SGCE: variants seen among roughly 807,000 people sequenced by gnomAD.
SGCE encodes sarcoglycan epsilon, also known as epsilon-sarcoglycan.
A neutral mutation model predicts 57.8 loss-of-function variants in SGCE; 26 were observed. The observed-to-expected ratio is 0.45, with a 90% CI of 0.33 to 0.62. The LOEUF (loss-of-function observed/expected upper bound fraction) is 0.62. SGCE is among the 20% of genes least tolerant of loss of function. The pLI is 0.02. For synonymous variants in SGCE, 183 were observed against 189.5 expected (o/e 0.97, Z 0.28); for missense variants, 468 against 548.6 (o/e 0.85, Z 1.47).
intron 1 of SGCE, among the ~76,000 whole-genome samples, chr7:94,639,729 C>A (rs1035796379): frequency 1.3e-5 from 2 of 152,130 alleles, no homozygotes; most frequent in Admixed American, 1.3e-4. Context: ...TATACACACA[C>A]ACATATATAA....
intron 5 of SGCE, among the ~76,000 whole-genome samples, chr7:94,606,104 C>T (rs1413572630): frequency 1.3e-5 from 2 of 152,184 alleles, no homozygotes; most frequent in Non-Finnish European, 2.9e-5. Context: ...GCTGGGATTA[C>T]AGGCGTGAGC....
intron 8 of SGCE, 80 bp from the exon 9 acceptor site, chr7:94,599,043 A>C: frequency 9.7e-7 from 1 of 1,027,106 alleles, no homozygotes; most frequent in South Asian, 1.5e-5. Flanking sequence ...AAAACTTATG[A>C]AGTATTTTTA....
chr7:94,613,289 C>G (rs920181997), intron 5 of SGCE, among the ~76,000 whole-genome samples: 2 of 152,138 alleles, frequency 1.3e-5, no homozygotes, highest in African/African-American at 4.8e-5. Flanking sequence ...ATAATAATAA[C>G]TATGCTACAC....
At chr7:94,655,926 C>CGGGGGA in intron 1 of SGCE, 64 bp downstream of exon 1, 2 of 1,076,414 alleles carry the variant, frequency 1.9e-6, no homozygotes, top group Non-Finnish European at 1.4e-6. Flanking sequence ...GGAACCCGAG[C>CGGGGGA]GGGGGAGGGG....
At chr7:94,600,942 T>G in intron 6 of SGCE, 85 bp from the exon 7 acceptor site, 1 of 1,119,412 alleles carries the variant, frequency 8.9e-7, no homozygotes, top group South Asian at 1.3e-5. Context: ...TAAAGCATTC[T>G]TTGACAAATT....
intron 5 of SGCE, among the ~76,000 whole-genome samples, chr7:94,605,800 G>T (rs1212225559): frequency 6.6e-6 from 1 of 152,018 alleles, no homozygotes; most frequent in East Asian, 1.9e-4. Flanking sequence ...ACAGAAAACA[G>T]TAACAAATAT....
intron 9 of SGCE, among the ~76,000 whole-genome samples, chr7:94,590,290 C>G (rs986783612): frequency 6.6e-6 from 1 of 152,080 alleles, no homozygotes; most frequent in Non-Finnish European, 1.5e-5. Flanking sequence ...AAAAAAATCT[C>G]AAGAACCACC....
intron 5 of SGCE, among the ~76,000 whole-genome samples, chr7:94,610,738 A>G (rs1800889809): frequency 6.6e-6 from 1 of 152,212 alleles, no homozygotes; most frequent in Non-Finnish European, 1.5e-5. Flanking sequence ...AGGAGAAAAT[A>G]ACTGCAAATC....
intron 9 of SGCE, among the ~76,000 whole-genome samples, chr7:94,590,222 T>C (rs1440406515): frequency 1.3e-5 from 2 of 152,148 alleles, no homozygotes. Flanking sequence ...ATTACTCTTA[T>C]AGTTTAAAAA....
intron 9 of SGCE, 53 bp from the exon 10 acceptor site, chr7:94,588,785 CAGAG>C (rs1162178136): frequency 1.2e-5 from 19 of 1,610,230 alleles, no homozygotes; most frequent in Admixed American, 3.3e-5. Flanking sequence ...CACTTGTAAA[CAGAG>C]AGCAGACATA....
rs950650094 is a variant in SGCE, at chr7:94,598,918, C to T, written c.1110G>A (p.Glu370=). Residue 370 remains glutamate (E), a synonymous_variant, in exon 9 of 11, where the codon GAG becomes GAA. Transcript: ENST00000648936. ...CTCTATTCTTGGACATGTCTCGAAG[C>T]TCCTTGGTAGATTTCTGAATAGCAC... is the stretch of plus-strand genomic sequence containing the variant. ...HHSAIQKSTK[E]LRDMSKNREI... 3.1e-6 allele frequency: 5 copies of T among 1,613,910 alleles called. No individual in the cohort carries two copies. In the Middle Eastern group the frequency reaches 5.0e-4, roughly 160 times the overall value.
intron 1 of SGCE, among the ~76,000 whole-genome samples, chr7:94,645,874 G>A (rs997757274): frequency 1.1e-4 from 16 of 151,840 alleles, no homozygotes; most frequent in South Asian, 2.1e-4. Context: ...AAATACAATC[G>A]TTTTTAAAAA....
chr7:94,633,002 A>G (rs921906930), intron 1 of SGCE, among the ~76,000 whole-genome samples: 4 of 152,060 alleles, frequency 2.6e-5, no homozygotes, highest in African/African-American at 9.7e-5. Context: ...GCAAGTCTTG[A>G]AAATCAAATT....
In SGCE at chr7:94,585,457, T is replaced by C. The variant is rs1432575310; in HGVS notation, c.*42A>G. 6 of 1,575,016 alleles carry C rather than the reference T, an allele frequency of 3.8e-6. No homozygotes were observed. The highest frequency in any genetic ancestry group is 2.7e-5 in the African/African-American group (2 of 74,200). On this transcript the variant is annotated 3_prime_UTR_variant, in exon 11 of 11. Coordinates refer to ENST00000648936, the MANE Select transcript of SGCE (RefSeq NM_003919.3). ...AAAGAAATGTGATGTAACTGCTATA[T>C]TGTCTGATTATAAATTCATTGCTTC...
In SGCE at chr7:94,646,518, T is replaced by A. The variant is rs1035568450; in HGVS notation, c.109+9472A>T. 3.3e-4 allele frequency among the ~76,000 whole-genome samples: 51 copies of A among 152,304 alleles called. No individual in the cohort carries two copies. In the Middle Eastern group the frequency reaches 0.017, roughly 51 times the overall value. ...GAAACTTTAACAAAAACAATGCATATAAGCAACAGTTATATGCACCATTAC... is the reference window on the plus strand; with the variant it reads ...GAAACTTTAACAAAAACAATGCATAAAAGCAACAGTTATATGCACCATTAC... On this transcript the variant is annotated intron_variant, in intron 1 of 10. Coordinates refer to ENST00000648936, the MANE Select transcript of SGCE (RefSeq NM_003919.3).
intron 1 of SGCE, among the ~76,000 whole-genome samples, chr7:94,638,310 G>T (rs1805874621): frequency 6.6e-6 from 1 of 152,160 alleles, no homozygotes; most frequent in Non-Finnish European, 1.5e-5. Context: ...AATAGATGTT[G>T]GGAAACTTTG....
intron 5 of SGCE, chr7:94,618,202 T>TA (rs1460027028): frequency 1.3e-5 from 2 of 153,246 alleles, no homozygotes; most frequent in African/African-American, 4.8e-5. Flanking sequence ...AGGGAGAACA[T>TA]ATCCCCACAG....
intron 10 of SGCE, chr7:94,587,395 C>T (rs1797051435): frequency 9.0e-7 from 1 of 1,114,556 alleles, no homozygotes; most frequent in Non-Finnish European, 1.1e-6. Flanking sequence ...TTCCTACTCA[C>T]TCCATGCCTG....
chr7:94,629,634 T>C (rs1161124641), intron 2 of SGCE, 85 bp downstream of exon 2: 27 of 1,177,900 alleles, frequency 2.3e-5, no homozygotes, highest in Non-Finnish European at 3.2e-5. Context: ...ATGTTAATGA[T>C]ATTTTATCAT....
Sources: allele counts gnomAD v4.1 joint callset (sites outside exome capture counted in the v4.1 genomes callset), GRCh38; gene constraint gnomAD v4.1.1; transcripts MANE v1.5; gene names NCBI Gene and HGNC (gene_info 2026-07-23, HGNC 2026-07-21).